The following NPAS2 variants were observed in gnomAD, a reference collection of about 807,000 sequenced individuals.
NPAS2 encodes neuronal PAS domain-containing protein 2.
In NPAS2, 23 loss-of-function variants were observed where a neutral mutation model predicts 107.5. The ratio of observed to expected loss-of-function variants is 0.21; its 90% CI spans 0.15 to 0.30. NPAS2 has a LOEUF of 0.30. Ranked by LOEUF, NPAS2 falls within the 10% of genes least tolerant of loss-of-function variation. NPAS2 has a pLI of 1.00. For missense variants in NPAS2, 756 were observed against 1,043.3 expected (o/e 0.72, Z 3.79); for synonymous variants, 403 against 417.5 (o/e 0.97, Z 0.42).
chr2:100,860,262 A>C (rs1014689959), intron 1 of NPAS2, among the ~76,000 whole-genome samples: 4 of 152,082 alleles, frequency 2.6e-5, no homozygotes, highest in Non-Finnish European at 4.4e-5. Context: ...GGTTTGTCTT[A>C]TGTGTTCTAA....
chr2:100,956,752 T>C (rs4850954), intron 7 of NPAS2, among the ~76,000 whole-genome samples: 81,178 of 151,930 alleles, frequency 0.53, 22,343 homozygotes, highest in Middle Eastern at 0.67. Flanking sequence ...GAGGGCTCTG[T>C]GTGAGCCTTG....
chr2:100,896,434 G>T (rs1317800104), intron 1 of NPAS2, among the ~76,000 whole-genome samples: 2 of 152,172 alleles, frequency 1.3e-5, no homozygotes, highest in Non-Finnish European at 2.9e-5. Flanking sequence ...AGCCTTGCTG[G>T]GGGGTGGTGC....
chr2:100,987,535 C>T (rs1677848475), intron 16 of NPAS2: 2 of 153,072 alleles, frequency 1.3e-5, no homozygotes, highest in Non-Finnish European at 2.9e-5. Flanking sequence ...CAGCTGAGAG[C>T]ACTGGATTGA....
intron 2 of NPAS2, among the ~76,000 whole-genome samples, chr2:100,905,561 G>A (rs1329718309): frequency 1.3e-5 from 2 of 152,128 alleles, no homozygotes; most frequent in Non-Finnish European, 2.9e-5. Context: ...CTCCTCAGTG[G>A]CTCACTGCAG....
chr2:100,971,993 G>A (rs897117313), intron 12 of NPAS2, among the ~76,000 whole-genome samples: 1 of 149,968 alleles, frequency 6.7e-6, no homozygotes, highest in African/African-American at 2.5e-5. Context: ...CCCAGCTGGA[G>A]TGCAGTGGTG....
intron 2 of NPAS2, among the ~76,000 whole-genome samples, chr2:100,924,784 T>C (rs1215536122): frequency 6.6e-6 from 1 of 152,090 alleles, no homozygotes; most frequent in African/African-American, 2.4e-5. Flanking sequence ...TTGGTTTGAG[T>C]CTTAGGAAGG....
At chr2:100,895,976 A>G (rs534884952) in intron 1 of NPAS2, among the ~76,000 whole-genome samples, 3 of 152,298 alleles carry the variant, frequency 2.0e-5, no homozygotes, top group African/African-American at 7.2e-5. Context: ...TTCAAAGTAG[A>G]TAAGAAAGGC....
At chr2:100,876,105 C>T (rs1266511960) in intron 1 of NPAS2, among the ~76,000 whole-genome samples, 2 of 152,146 alleles carry the variant, frequency 1.3e-5, no homozygotes, top group African/African-American at 4.8e-5. Context: ...TAAATGAGAG[C>T]AGGCCTTCTC....
intron 3 of NPAS2, among the ~76,000 whole-genome samples, chr2:100,932,162 G>C (rs767243067): frequency 2.6e-5 from 4 of 152,192 alleles, no homozygotes; most frequent in African/African-American, 4.8e-5. Flanking sequence ...TATTACATTT[G>C]AGCCACCTAT....
intron 7 of NPAS2, among the ~76,000 whole-genome samples, chr2:100,951,815 T>C (rs1675238040): frequency 6.6e-6 from 1 of 152,048 alleles, no homozygotes; most frequent in African/African-American, 2.4e-5. Flanking sequence ...TTCAAAACGG[T>C]TACGATGGCA....
At chr2:100,984,557 G>C (rs1056813716) in intron 16 of NPAS2, 1 of 151,946 alleles carries the variant, frequency 6.6e-6, no homozygotes, top group South Asian at 2.1e-4. Flanking sequence ...TGTGAGTGTA[G>C]GATTGGTTTG....
At position 100,856,938 on chromosome 2, in the gene NPAS2, G is replaced by A. The variant is rs895386980; in HGVS notation, c.-23+36524G>A. Among the ~76,000 whole-genome samples, 106 of 152,318 alleles carry A rather than the reference G, an allele frequency of 7.0e-4. 1 individual carries two copies. The highest frequency in any genetic ancestry group is 2.4e-3 in the African/African-American group (100 of 41,582). ...GGCAGGTGATGGAGAGTGGTAGGGC[G>A]TGCATTTCTGCCAGAATTGGGAGTG... is the stretch of plus-strand genomic sequence containing the variant. On this transcript the variant is annotated intron_variant, in intron 1 of 20. Coordinates refer to ENST00000335681, the MANE Select transcript of NPAS2 (RefSeq NM_002518.4).
chr2:100,978,222 TTTA>T (rs1677157746), intron 15 of NPAS2, among the ~76,000 whole-genome samples: 2 of 152,196 alleles, frequency 1.3e-5, no homozygotes, highest in African/African-American at 4.8e-5. Context: ...GACCTCATAG[TTTA>T]GCTCCCACTT....
At chr2:100,839,984 G>A (rs531650172) in intron 1 of NPAS2, among the ~76,000 whole-genome samples, 7 of 152,270 alleles carry the variant, frequency 4.6e-5, no homozygotes, top group East Asian at 3.9e-4. Context: ...TGCAGAGTGC[G>A]TGAAGGCAGA....
chr2:100,963,020 G>A (rs1404454088), intron 7 of NPAS2, among the ~76,000 whole-genome samples: 3 of 152,238 alleles, frequency 2.0e-5, no homozygotes, highest in Admixed American at 2.0e-4. Context: ...AGATGTTTGA[G>A]AAGATGTAAG....
At chr2:100,979,289 A>AT (rs1314418382) in intron 15 of NPAS2, among the ~76,000 whole-genome samples, 1 of 151,894 alleles carries the variant, frequency 6.6e-6, no homozygotes, top group African/African-American at 2.4e-5. Context: ...TCCAAGGCCT[A>AT]TTTGGTAAGA....
chr2:100,935,633 T>C (rs895521), intron 4 of NPAS2, among the ~76,000 whole-genome samples: 127,906 of 152,130 alleles, frequency 0.84, 54,147 homozygotes, highest in East Asian at 1. Flanking sequence ...GCTTTAGACA[T>C]TCAGGAGGGA....
chr2:100,869,103 A>AT (rs10608079), intron 1 of NPAS2, among the ~76,000 whole-genome samples: 78,883 of 147,084 alleles, frequency 0.54, 23,527 homozygotes, highest in Non-Finnish European at 0.69. Flanking sequence ...TAATTTTTGT[A>AT]TTTTTTTTTT....
intron 1 of NPAS2, among the ~76,000 whole-genome samples, chr2:100,821,455 T>C (rs1236336838): frequency 6.6e-6 from 1 of 152,178 alleles, no homozygotes; most frequent in Non-Finnish European, 1.5e-5. Context: ...GTGGTTAGCC[T>C]GTTTTCCTAC....
Sources: allele counts gnomAD v4.1 joint callset (sites outside exome capture counted in the v4.1 genomes callset), GRCh38; gene constraint gnomAD v4.1.1; transcripts MANE v1.5; gene names NCBI Gene and HGNC (gene_info 2026-07-23, HGNC 2026-07-21).